The following SPINK13 variants were observed in gnomAD, a reference collection of about 807,000 sequenced individuals.
SPINK13 encodes serine protease inhibitor Kazal-type 13.
SPINK13 carries 11 observed loss-of-function variants against 11.0 expected under a neutral mutation model. That is an observed-to-expected ratio of 1.00 (90% CI 0.63 to 1.65). SPINK13 has a LOEUF of 1.65. Ranked by LOEUF, SPINK13 falls within the 40% of genes most tolerant of loss-of-function variation. SPINK13 has a pLI of 0.00. For missense variants in SPINK13, 113 were observed against 117.7 expected, an observed-to-expected ratio of 0.96 and a Z score of 0.19; for synonymous variants, 31 against 35.6, an observed-to-expected ratio of 0.87 and a Z score of 0.46.
intron 3 of SPINK13, among the ~76,000 whole-genome samples, chr5:148,276,548 A>G (rs924479243): frequency 6.6e-6 from 1 of 152,318 alleles, no homozygotes; most frequent in East Asian, 1.9e-4. Context: ...CATTTATTAA[A>G]TAGGGAATCC....
At chr5:148,274,263 TTCAA>T in intron 2 of SPINK13, 80 bp from the exon 3 acceptor site, 1 of 887,158 alleles carries the variant, frequency 1.1e-6, no homozygotes, top group Non-Finnish European at 1.8e-6. Flanking sequence ...TTTTACATTA[TTCAA>T]TCAGTGACTT....
intron 3 of SPINK13, among the ~76,000 whole-genome samples, chr5:148,281,044 C>T (rs1434199802): frequency 3.3e-5 from 5 of 152,162 alleles, no homozygotes; most frequent in African/African-American, 7.2e-5. Flanking sequence ...GCAGTGGGCT[C>T]CACCCAGTCG....
At chr5:148,281,090 A>ATTT (rs1756506470) in intron 3 of SPINK13, among the ~76,000 whole-genome samples, 3 of 152,118 alleles carry the variant, frequency 2.0e-5, no homozygotes, top group African/African-American at 7.2e-5. Flanking sequence ...CTGTGAGGGG[A>ATTT]AAACCACCTA....
At chr5:148,278,795 C>T (rs1464352745) in intron 3 of SPINK13, among the ~76,000 whole-genome samples, 1 of 152,148 alleles carries the variant, frequency 6.6e-6, no homozygotes, top group East Asian at 1.9e-4. Flanking sequence ...CCACTTGGTC[C>T]AGAGCTGACT....
At chr5:148,285,290 A>G (rs2113378544) in intron 4 of SPINK13, among the ~76,000 whole-genome samples, 1 of 152,292 alleles carries the variant, frequency 6.6e-6, no homozygotes, top group East Asian at 1.9e-4. Context: ...TAAGTGCATT[A>G]GATATATATC....
At position 148,282,189 on chromosome 5, in the gene SPINK13, GCCA is replaced by G. The variant is rs764492427; in HGVS notation, c.196_198del (p.His66del). The G allele has an allele frequency of 1.2e-6, 2 of 1,614,142 alleles. No individual in the cohort carries two copies. Among genetic ancestry groups the G allele is most frequent in the South Asian group, 2.2e-5 (2 of 91,070 alleles). On this transcript the variant is annotated inframe_deletion, in exon 4 of 5. Coordinates refer to ENST00000398450, the MANE Select transcript of SPINK13 (RefSeq NM_001040129.3). ...ACAGCACCTGTTTGTGCCTCAAATGGCCACACTTTCCAGAATGAGTGTTTCTTT... is the reference window on the plus strand; with the variant it reads ...ACAGCACCTGTTTGTGCCTCAAATGGCACTTTCCAGAATGAGTGTTTCTTT...
intron 1 of SPINK13, 141 bp from the exon 2 acceptor site, chr5:148,269,899 G>T: frequency 2.1e-6 from 1 of 479,078 alleles, no homozygotes. Flanking sequence ...GCTCTCTCAG[G>T]CCTGAGTTCC....
rs755769639 is a variant in SPINK13, at chr5:148,282,116, A to C, written c.121A>C (p.Met41Leu). ...FTRWPKPRCK[M>L]YIPLDPDYNA... The stretch of plus-strand genomic sequence containing the variant: ...CATGTATTTGCAGCCCCGATGTAAA[A>C]TGTATATCCCACTGGACCCTGATTA... The change falls in exon 4 of 5, where the codon ATG (methionine) becomes CTG (leucine). Residue 41 changes from methionine to leucine, a missense_variant. Met to Leu is a conservative substitution (Grantham distance 15). Transcript: ENST00000398450. 1.8e-5 allele frequency: 29 copies of C among 1,614,176 alleles called. No homozygotes were observed. The Middle Eastern group carries it at 4.9e-4, about 28-fold the overall frequency.
chr5:148,275,361 C>A (rs1756410039), intron 3 of SPINK13, among the ~76,000 whole-genome samples: 3 of 152,208 alleles, frequency 2.0e-5, no homozygotes, highest in African/African-American at 7.2e-5. Context: ...ATATGTGCCA[C>A]ATTTTTTTAT....
chr5:148,279,506 C>A (rs557353999), intron 3 of SPINK13, among the ~76,000 whole-genome samples: 1 of 152,060 alleles, frequency 6.6e-6, no homozygotes, highest in Non-Finnish European at 1.5e-5. Context: ...ATTTGCTTGT[C>A]TGTGAAAGAT....
intron 3 of SPINK13, among the ~76,000 whole-genome samples, chr5:148,275,666 C>CTT (rs768312591): frequency 1.4e-5 from 2 of 142,342 alleles, no homozygotes; most frequent in African/African-American, 5.1e-5. Flanking sequence ...GACTTTTTTT[C>CTT]TTTTTTTTTT....
At chr5:148,284,714 A>C (rs1756566508) in intron 4 of SPINK13, among the ~76,000 whole-genome samples, 1 of 152,200 alleles carries the variant, frequency 6.6e-6, no homozygotes, top group African/African-American at 2.4e-5. Flanking sequence ...TTTTGAGGAA[A>C]AAGCCCTGGC....
At chr5:148,276,049 T>C (rs1756423432) in intron 3 of SPINK13, among the ~76,000 whole-genome samples, 1 of 152,200 alleles carries the variant, frequency 6.6e-6, no homozygotes, top group Non-Finnish European at 1.5e-5. Flanking sequence ...TGATGACCAG[T>C]GATGATGAGC....
Position 148,281,836 on chromosome 5 carries a change from A to G in SPINK13, c.109-268A>G, listed in dbSNP as rs149824006. ...AGTTCACAAACACATAAGTATCTCC[A>G]CTCATAAACATCCTACTGGAACTGA... On this transcript the variant is annotated intron_variant, in intron 3 of 4. Coordinates refer to ENST00000398450, the MANE Select transcript of SPINK13 (RefSeq NM_001040129.3). Among the ~76,000 whole-genome samples the G allele has an allele frequency of 1.1e-3, 170 of 152,240 alleles. 1 individual carries two copies. The highest frequency in any genetic ancestry group is 3.9e-3 in the African/African-American group (164 of 41,538).
At chr5:148,277,704 C>T (rs1398729608) in intron 3 of SPINK13, among the ~76,000 whole-genome samples, 2 of 152,166 alleles carry the variant, frequency 1.3e-5, no homozygotes, top group East Asian at 3.9e-4. Context: ...ATTTTCCCAT[C>T]AATGTTCACC....
In SPINK13 at chr5:148,286,072, G is replaced by A; in HGVS notation, c.*24G>A. The A allele has an allele frequency of 7.3e-7, 1 of 1,372,766 alleles. No homozygotes were observed. Among genetic ancestry groups the A allele is most frequent in the South Asian group, 1.4e-5 (1 of 73,166 alleles). 85.0% of individuals were successfully genotyped at this position (1,372,766 alleles called of 1,614,324 possible). On this transcript the variant is annotated 3_prime_UTR_variant, in exon 5 of 5. Transcript: ENST00000398450. ...AATGGGTACCAGAGTAACTACACTT[G>A]CTTATTCTTTTTCTACTTAATTCAG...
At chr5:148,275,697 G>A (rs565956800) in intron 3 of SPINK13, among the ~76,000 whole-genome samples, 99 of 147,934 alleles carry the variant, frequency 6.7e-4, no homozygotes, top group Middle Eastern at 3.4e-3. Context: ...GTCTCACTCT[G>A]TCACCCAGGC....
chr5:148,282,031 G>A, intron 3 of SPINK13, 73 bp from the exon 4 acceptor site: 7 of 1,579,614 alleles, frequency 4.4e-6, no homozygotes, highest in Non-Finnish European at 6.1e-6. Flanking sequence ...TTTTAAGTGG[G>A]GCAGAAGTGA....
At chr5:148,273,380 T>C (rs1371422397) in intron 2 of SPINK13, among the ~76,000 whole-genome samples, 1 of 152,152 alleles carries the variant, frequency 6.6e-6, no homozygotes, top group African/African-American at 2.4e-5. Context: ...TTTTAATTAT[T>C]GTATAGTTTT....
Sources: allele counts gnomAD v4.1 joint callset (sites outside exome capture counted in the v4.1 genomes callset), GRCh38; gene constraint gnomAD v4.1.1; transcripts MANE v1.5; gene names NCBI Gene and HGNC (gene_info 2026-07-23, HGNC 2026-07-21).